Variants in MAD1L1 observed in about 807,000 individuals in gnomAD.
MAD1L1 encodes mitotic spindle assembly checkpoint protein MAD1.
A neutral mutation model predicts 96.9 loss-of-function variants in MAD1L1; 95 were observed. The observed-to-expected ratio is 0.98, with a 90% CI of 0.83 to 1.16. The LOEUF (loss-of-function observed/expected upper bound fraction) is 1.16, where lower values mean the gene tolerates loss of function less well. MAD1L1 is among the 50% of genes most tolerant of loss of function. MAD1L1 has a pLI of 0.00. For missense variants in MAD1L1, 1,007 were observed against 954.4 expected (o/e 1.06, Z -0.73); for synonymous variants, 473 against 396.6 (o/e 1.19, Z -2.29).
chr7:2,213,399 TG>T, intron 9 of MAD1L1, 126 bp from the exon 10 acceptor site: 1 of 846,406 alleles, frequency 1.2e-6, no homozygotes, highest in African/African-American at 1.7e-5. Flanking sequence ...ATCTCTGAGC[TG>T]GGCGCTACAT....
chr7:2,108,874 A>G (rs551387217), intron 11 of MAD1L1, among the ~76,000 whole-genome samples: 1 of 152,342 alleles, frequency 6.6e-6, no homozygotes, highest in East Asian at 1.9e-4. Flanking sequence ...ATCCACGATC[A>G]GTTCCATCCC....
At chr7:1,834,541 T>A (rs963555564) in intron 18 of MAD1L1, among the ~76,000 whole-genome samples, 5 of 152,112 alleles carry the variant, frequency 3.3e-5, no homozygotes, top group Admixed American at 3.3e-4. Context: ...ATGGACAAAC[T>A]TCTGAAGATA....
At chr7:1,958,275 G>A (rs2128474317) in intron 15 of MAD1L1, among the ~76,000 whole-genome samples, 1 of 152,322 alleles carries the variant, frequency 6.6e-6, no homozygotes, top group South Asian at 2.1e-4. Context: ...AGTGGGAATA[G>A]AATACAAAAC....
chr7:2,199,037 G>A (rs1792143847), intron 10 of MAD1L1, among the ~76,000 whole-genome samples: 1 of 152,222 alleles, frequency 6.6e-6, no homozygotes, highest in Non-Finnish European at 1.5e-5. Flanking sequence ...GGGCTATCCA[G>A]GAGGGGGCTG....
intron 17 of MAD1L1, among the ~76,000 whole-genome samples, chr7:1,927,692 A>T (rs1050090576): frequency 3.9e-5 from 6 of 152,196 alleles, no homozygotes; most frequent in African/African-American, 1.4e-4. Flanking sequence ...AAACTAACTC[A>T]AAATGGGTCA....
chr7:2,063,446 TG>T (rs1418548069), intron 12 of MAD1L1, among the ~76,000 whole-genome samples: 1 of 152,224 alleles, frequency 6.6e-6, no homozygotes. Context: ...GCCTTGTCTG[TG>T]GCTGGGACAG....
intron 12 of MAD1L1, among the ~76,000 whole-genome samples, chr7:2,026,063 T>C (rs975807832): frequency 3.3e-5 from 5 of 152,134 alleles, no homozygotes; most frequent in Non-Finnish European, 7.4e-5. Flanking sequence ...TAAATACTTA[T>C]ATATTTATAG....
At chr7:1,816,591 C>T (rs1448159900) in intron 18 of MAD1L1, among the ~76,000 whole-genome samples, 2 of 152,106 alleles carry the variant, frequency 1.3e-5, no homozygotes, top group Non-Finnish European at 2.9e-5. Context: ...GACCCCACGC[C>T]CTGGGCAAGT....
At chr7:1,839,561 C>A (rs1037493420) in intron 18 of MAD1L1, among the ~76,000 whole-genome samples, 2 of 152,188 alleles carry the variant, frequency 1.3e-5, no homozygotes, top group Admixed American at 6.5e-5. Flanking sequence ...GAGAACTGGA[C>A]GCAGATCCAC....
chr7:2,098,474 C>T (rs3778964), intron 11 of MAD1L1, among the ~76,000 whole-genome samples: 45,372 of 152,138 alleles, frequency 0.3, 8,335 homozygotes, highest in East Asian at 0.51. Flanking sequence ...TCCCTCTCCC[C>T]TGCTGCCTGG....
intron 17 of MAD1L1, among the ~76,000 whole-genome samples, chr7:1,901,197 C>G (rs191075905): frequency 1.4e-4 from 21 of 152,340 alleles, no homozygotes; most frequent in African/African-American, 4.6e-4. Flanking sequence ...TTCTGACCCC[C>G]CTTTATCCCT....
intron 18 of MAD1L1, among the ~76,000 whole-genome samples, chr7:1,870,217 T>C (rs1784979922): frequency 6.6e-6 from 1 of 151,952 alleles, no homozygotes; most frequent in Admixed American, 6.6e-5. Flanking sequence ...GAACCCAACA[T>C]ATGCCTGCCA....
intron 18 of MAD1L1, among the ~76,000 whole-genome samples, chr7:1,877,903 G>T (rs1046791511): frequency 6.6e-6 from 1 of 152,106 alleles, no homozygotes; most frequent in Non-Finnish European, 1.5e-5. Context: ...AAACCTGACA[G>T]ATCTGAAAGG....
At chr7:2,194,638 C>T (rs1791893944) in intron 10 of MAD1L1, among the ~76,000 whole-genome samples, 1 of 152,164 alleles carries the variant, frequency 6.6e-6, no homozygotes, top group Non-Finnish European at 1.5e-5. Flanking sequence ...TATTAATACC[C>T]AGCCCTTTAC....
chr7:2,163,735 T>G (rs2128590251), intron 10 of MAD1L1, among the ~76,000 whole-genome samples: 1 of 152,196 alleles, frequency 6.6e-6, no homozygotes, highest in Admixed American at 6.5e-5. Flanking sequence ...GAATCGACAC[T>G]CTCCTAGGCA....
At chr7:1,818,189 G>A (rs1285123887) in intron 18 of MAD1L1, among the ~76,000 whole-genome samples, 1 of 152,078 alleles carries the variant, frequency 6.6e-6, no homozygotes, top group Non-Finnish European at 1.5e-5. Context: ...GGCAGGGGTG[G>A]GGAGGCAGTG....
chr7:1,894,149 G>A (rs1354156470), intron 18 of MAD1L1, among the ~76,000 whole-genome samples: 1 of 152,210 alleles, frequency 6.6e-6, no homozygotes, highest in Non-Finnish European at 1.5e-5. Flanking sequence ...ATGACAGGTG[G>A]ATGGGGCAGG....
intron 18 of MAD1L1, among the ~76,000 whole-genome samples, chr7:1,877,013 T>C (rs1302684886): frequency 6.8e-6 from 1 of 146,798 alleles, no homozygotes; most frequent in Non-Finnish European, 1.5e-5. Flanking sequence ...ACAAGCATTT[T>C]TGAATCATTT....
chr7:1,863,910 A>AT (rs1393444648), intron 18 of MAD1L1, among the ~76,000 whole-genome samples: 6 of 152,198 alleles, frequency 3.9e-5, no homozygotes, highest in Non-Finnish European at 5.9e-5. Flanking sequence ...AAGATGGTGA[A>AT]ACCCCGTCTC....
Sources: gnomAD v4.1 joint callset for allele counts (sites outside exome capture counted in the v4.1 genomes callset) on GRCh38, gnomAD v4.1.1 for gene constraint, MANE v1.5 for transcripts, NCBI Gene and HGNC (gene_info 2026-07-23, HGNC 2026-07-21) for gene names.